Variants in PNLIPRP1 observed in about 807,000 individuals in gnomAD.
The protein encoded by PNLIPRP1 is pancreatic lipase related protein 1, also known as inactive pancreatic lipase-related protein 1.
A neutral mutation model predicts 54.6 loss-of-function variants in PNLIPRP1; 57 were observed. The observed-to-expected ratio is 1.04, with a 90% CI of 0.84 to 1.30. The LOEUF (loss-of-function observed/expected upper bound fraction) is 1.30. Among genes scored for constraint, PNLIPRP1 ranks in the 50% most tolerant of loss-of-function variants. The probability of loss-of-function intolerance (pLI) is 0.00; values close to 1 mark genes in which losing one functional copy is unlikely to be tolerated. For missense variants in PNLIPRP1, 567 were observed against 568.5 expected (o/e 1.00, Z 0.03); for synonymous variants, 232 against 208.8 (o/e 1.11, Z -0.96).
At position 116,608,929 on chromosome 10, in the gene PNLIPRP1, A is replaced by G. The variant is rs797033477; in HGVS notation, c.1341-124A>G. ...CTCGTGCCTCCTGAATCACTCATCA[A>G]CTGTGACCTGGGCTTAACCCCTTAA... On this transcript the variant is annotated intron_variant, in intron 12 of 12. Transcript: ENST00000358834. 1.2e-5 allele frequency: 9 copies of G among 774,614 alleles called. No individual in the cohort carries two copies. The African/African-American group carries it at 1.4e-4, about 12-fold the overall frequency. 48.0% of individuals were successfully genotyped at this position (774,614 alleles called of 1,614,324 possible). A position where few individuals can be genotyped will look rare whatever the true frequency, so the allele number is the denominator to read the frequency against.
At chr10:116,594,371 G>C (rs1554863655) in intron 4 of PNLIPRP1, 1 of 520,142 alleles carries the variant, frequency 1.9e-6, no homozygotes, top group Admixed American at 2.0e-5. Flanking sequence ...AATCCACAAG[G>C]TCATTTAGAC....
chr10:116,594,068 A>G (rs1847690981), intron 4 of PNLIPRP1, among the ~76,000 whole-genome samples: 1 of 152,186 alleles, frequency 6.6e-6, no homozygotes, highest in Admixed American at 6.5e-5. Flanking sequence ...TATATGTGGA[A>G]TGATTCCAAG....
chr10:116,602,619 G>A (rs372470717), intron 10 of PNLIPRP1, among the ~76,000 whole-genome samples: 1 of 152,216 alleles, frequency 6.6e-6, no homozygotes, highest in African/African-American at 2.4e-5. Context: ...CAGAGAACCT[G>A]GCCCTGACCA....
chr10:116,591,050 C>A, intron 1 of PNLIPRP1, 55 bp downstream of exon 1: 1 of 1,081,292 alleles, frequency 9.2e-7, no homozygotes, highest in Non-Finnish European at 1.4e-6. Context: ...GTGAGGTAAA[C>A]AGTACTGAAG....
At chr10:116,601,979 T>C (rs1467405227) in intron 10 of PNLIPRP1, among the ~76,000 whole-genome samples, 2 of 152,152 alleles carry the variant, frequency 1.3e-5, no homozygotes, top group African/African-American at 2.4e-5. Context: ...CAAATCAAGA[T>C]ACAGAACACT....
rs781912059 is a variant in PNLIPRP1, at chr10:116,604,042, G to A, written c.1076G>A (p.Gly359Glu). 1.2e-6 allele frequency: 2 copies of A among 1,611,560 alleles called. No homozygotes were observed. The highest frequency in any genetic ancestry group is 1.7e-5 in the Admixed American group (1 of 59,880). Residue 359 changes from glycine (G) to glutamate (E), a missense_variant, in exon 11 of 13, where the codon GGG becomes GAG. Coordinates refer to ENST00000358834, the MANE Select transcript of PNLIPRP1 (RefSeq NM_006229.4). ...ATCTCCTGTGCAGGCTGGAGATATG[G>A]GGTTTCCATCACACTGTCTGGAAGA... ...EASNFARWRY[G>E]VSITLSGRTA... is the part of the protein sequence containing the mutation.
rs115583797 is a variant in PNLIPRP1 at position 116,594,831 on chromosome 10, C to T, written c.432C>T (p.Gly144=). The T allele has an allele frequency of 2.7e-5, 43 of 1,613,960 alleles. No individual in the cohort carries two copies. Among genetic ancestry groups the T allele is most frequent in the African/African-American group, 4.0e-5 (3 of 74,928 alleles). Residue 144 remains glycine, a synonymous_variant, in exon 5 of 13, where the codon GGC becomes GGT. Coordinates refer to ENST00000358834, the MANE Select transcript of PNLIPRP1 (RefSeq NM_006229.4). ...TQAANNVRVV[G]AQVAQMLDIL... ...CTGCCAACAACGTGCGAGTGGTGGG[C>T]GCCCAGGTGGCCCAGATGCTCGACA...
At chr10:116,593,578 T>A (rs1847679424) in intron 4 of PNLIPRP1, among the ~76,000 whole-genome samples, 1 of 152,220 alleles carries the variant, frequency 6.6e-6, no homozygotes, top group African/African-American at 2.4e-5. Flanking sequence ...ACCTTTCCTG[T>A]CCTATCATTA....
intron 11 of PNLIPRP1, among the ~76,000 whole-genome samples, 188 bp from the exon 12 acceptor site, chr10:116,605,198 T>C (rs1554865416): frequency 1.3e-5 from 2 of 152,224 alleles, no homozygotes; most frequent in African/African-American, 4.8e-5. Flanking sequence ...AAAAATTAAC[T>C]TGAGTTTTAA....
Position 116,594,857 on chromosome 10 carries a change from T to C in PNLIPRP1, c.458T>C (p.Ile153Thr). 6.2e-7 allele frequency: 1 copy of C among 1,613,832 alleles called. No individual in the cohort carries two copies. The highest frequency in any genetic ancestry group is 1.1e-5 in the South Asian group (1 of 91,066). ...GCCCAGGTGGCCCAGATGCTCGACA[T>C]CCTCTTGGTGAGTCAGCTGGCTGGC... is the stretch of plus-strand genomic sequence containing the variant. ...VGAQVAQMLD[I>T]LLTEYSYPPS... The change falls in exon 5 of 13, where the codon ATC becomes ACC. Residue 153 changes from isoleucine to threonine, a missense_variant. Coordinates refer to ENST00000358834, the MANE Select transcript of PNLIPRP1 (RefSeq NM_006229.4).
intron 5 of PNLIPRP1, chr10:116,595,142 A>G (rs902864644): frequency 7.5e-6 from 3 of 401,524 alleles, no homozygotes; most frequent in Non-Finnish European, 1.4e-5. Flanking sequence ...CCAAAGTCAT[A>G]AAGCAAATGA....
chr10:116,591,979 C>G, intron 3 of PNLIPRP1, 54 bp downstream of exon 3: 1 of 1,579,688 alleles, frequency 6.3e-7, no homozygotes, highest in South Asian at 1.1e-5. Context: ...CTATGCCCAC[C>G]CTGCAGACCA....
chr10:116,591,722 A>G, intron 2 of PNLIPRP1, 49 bp from the exon 3 acceptor site: 1 of 1,600,440 alleles, frequency 6.2e-7, no homozygotes, highest in South Asian at 1.1e-5. Context: ...GACACCCCAG[A>G]GCACACCTTG....
chr10:116,602,576 G>C (rs1420258174), intron 10 of PNLIPRP1, among the ~76,000 whole-genome samples: 21 of 152,210 alleles, frequency 1.4e-4, no homozygotes, highest in Admixed American at 1.3e-3. Flanking sequence ...CAAGCGTGTT[G>C]GGCTTGGTGG....
chr10:116,602,662 A>C (rs1357485759), intron 10 of PNLIPRP1, among the ~76,000 whole-genome samples: 1 of 152,244 alleles, frequency 6.6e-6, no homozygotes, highest in African/African-American at 2.4e-5. Context: ...CTCTGAAGAC[A>C]CGAAAGATGA....
chr10:116,591,234 T>C, intron 2 of PNLIPRP1, 56 bp downstream of exon 2: 1 of 1,438,190 alleles, frequency 7.0e-7, no homozygotes, highest in Non-Finnish European at 9.7e-7. Context: ...CTCTCAGCCC[T>C]GGCCAGAGAA....
chr10:116,594,748 G>A lies in PNLIPRP1; in HGVS notation c.349G>A (p.Glu117Lys). Residue 117 changes from glutamate to lysine, a missense_variant, in exon 5 of 13, where the codon GAG (glutamate) becomes AAG (lysine). By Grantham distance (56) the Glu-to-Lys change is moderately conservative. Coordinates refer to ENST00000358834, the MANE Select transcript of PNLIPRP1 (RefSeq NM_006229.4). ...ACACCAGAAACTGTTCGAGGTGGAG[G>A]AGGTGAACTGCATCTGCGTGGACTG... Reference protein sequence around the residue: ...DMCKKLFEVEEVNCICVDWKK... With the variant: ...DMCKKLFEVEKVNCICVDWKK... 3 of 1,614,190 alleles carry A rather than the reference G, an allele frequency of 1.9e-6. No homozygotes were observed. The highest frequency in any genetic ancestry group is 2.5e-6 in the Non-Finnish European group (3 of 1,180,042).
rs371204365 is a variant in PNLIPRP1, at chr10:116,594,726, C to G, written c.331-4C>G. The G allele has an allele frequency of 6.2e-7, 1 of 1,614,050 alleles. No individual in the cohort carries two copies. Among genetic ancestry groups the G allele is most frequent in the Admixed American group, 1.7e-5 (1 of 60,000 alleles). On this transcript the variant is annotated splice_region_variant and splice_polypyrimidine_tract_variant and intron_variant, in intron 4 of 12. Transcript: ENST00000358834. ...CCCCAACCCCACTATCTCCCCAACA[C>G]CAGAAACTGTTCGAGGTGGAGGAGG...
In PNLIPRP1 at chr10:116,594,750, G is replaced by A; in HGVS notation, c.351G>A (p.Glu117=). 6.2e-7 allele frequency: 1 copy of A among 1,614,174 alleles called. No homozygotes were observed. The highest frequency in any genetic ancestry group is 8.5e-7 in the Non-Finnish European group (1 of 1,180,038). Residue 117 remains glutamate (E), a synonymous_variant, in exon 5 of 13, where the codon GAG becomes GAA. Coordinates refer to ENST00000358834, the MANE Select transcript of PNLIPRP1 (RefSeq NM_006229.4). ...ACCAGAAACTGTTCGAGGTGGAGGA[G>A]GTGAACTGCATCTGCGTGGACTGGA... is the stretch of plus-strand genomic sequence containing the variant. ...DMCKKLFEVE[E]VNCICVDWKK...
Sources: gnomAD v4.1 joint callset for allele counts (sites outside exome capture counted in the v4.1 genomes callset) on GRCh38, gnomAD v4.1.1 for gene constraint, MANE v1.5 for transcripts, NCBI Gene and HGNC (gene_info 2026-07-23, HGNC 2026-07-21) for gene names.